Variants in PGBD5 observed in about 807,000 individuals in gnomAD.
The protein encoded by PGBD5 is piggyBac transposable element-derived protein 5.
Under a neutral mutation model 47.9 loss-of-function variants are expected in PGBD5, and 14 were observed. The ratio of observed to expected loss-of-function variants is 0.29; its 90% CI spans 0.19 to 0.46. PGBD5 has a LOEUF of 0.46. Among genes scored for constraint, PGBD5 ranks in the 20% least tolerant of loss-of-function variants. The probability of loss-of-function intolerance (pLI) is 1.00; values close to 1 mark genes in which losing one functional copy is unlikely to be tolerated. For synonymous variants in PGBD5, 316 were observed against 306.3 expected, an observed-to-expected ratio of 1.03 and a Z score of -0.33; for missense variants, 635 against 716.0, an observed-to-expected ratio of 0.89 and a Z score of 1.29.
In PGBD5 at chr1:230,393,198, G is replaced by A. The variant is rs1297419796; in HGVS notation, c.331+32400C>T. On this transcript the variant is annotated intron_variant, in intron 1 of 6. Transcript: ENST00000391860. ...GGGGAAGGGAGGGGGGGAGGAGGGA[G>A]GAGGCAGGGAAGCCAAGGGAAAGGA... Among the ~76,000 whole-genome samples, 11 of 145,752 alleles carry A rather than the reference G, an allele frequency of 7.5e-5. No individual in the cohort carries two copies. The East Asian group carries it at 2.3e-3, about 30-fold the overall frequency.
chr1:230,393,236 G>A (rs1656834646), intron 1 of PGBD5, among the ~76,000 whole-genome samples: 1 of 143,512 alleles, frequency 7.0e-6, no homozygotes, highest in African/African-American at 2.6e-5. Flanking sequence ...AGAGGAGGAG[G>A]AAGGAAGGGA....
At chr1:230,369,605 C>T (rs2632564) in intron 1 of PGBD5, among the ~76,000 whole-genome samples, 1 of 123,478 alleles carries the variant, frequency 8.1e-6, no homozygotes, top group Admixed American at 8.5e-5. Flanking sequence ...ATCAGGCCCT[C>T]TGTGCTTACT....
At chr1:230,393,191 G>C (rs557985752) in intron 1 of PGBD5, among the ~76,000 whole-genome samples, 1 of 145,194 alleles carries the variant, frequency 6.9e-6, no homozygotes, top group Non-Finnish European at 1.5e-5. Context: ...GAGGGGGGGA[G>C]GAGGGAGGAG....
At chr1:230,390,924 G>C (rs1262986643) in intron 1 of PGBD5, among the ~76,000 whole-genome samples, 1 of 152,112 alleles carries the variant, frequency 6.6e-6, no homozygotes, top group Non-Finnish European at 1.5e-5. Context: ...ATTTTTAGTA[G>C]AGACAGGGTT....
intron 1 of PGBD5, among the ~76,000 whole-genome samples, chr1:230,372,072 A>G (rs1667937570): frequency 6.6e-6 from 1 of 152,232 alleles, no homozygotes; most frequent in Admixed American, 6.5e-5. Flanking sequence ...TGCAAGTGAT[A>G]GCAAGCAGGT....
At chr1:230,361,089 C>A (rs557735242) in intron 1 of PGBD5, among the ~76,000 whole-genome samples, 1 of 152,180 alleles carries the variant, frequency 6.6e-6, no homozygotes, top group African/African-American at 2.4e-5. Flanking sequence ...GTCCCTTTTA[C>A]GTGGCTCTCC....
intron 1 of PGBD5, among the ~76,000 whole-genome samples, chr1:230,416,280 C>G (rs1312595225): frequency 2.0e-5 from 3 of 152,172 alleles, no homozygotes; most frequent in African/African-American, 7.2e-5. Context: ...CTTTGTGGAG[C>G]TGCCCCATTA....
At chr1:230,380,963 C>T (rs1388293937) in intron 1 of PGBD5, among the ~76,000 whole-genome samples, 1 of 152,190 alleles carries the variant, frequency 6.6e-6, no homozygotes, top group Non-Finnish European at 1.5e-5. Context: ...CTCTGGGAGC[C>T]CCGCTCAGGA....
chr1:230,327,216 A>ATT (rs752888686), intron 5 of PGBD5, among the ~76,000 whole-genome samples: 4 of 147,636 alleles, frequency 2.7e-5, no homozygotes, highest in African/African-American at 9.9e-5. Context: ...ATTTTTCTGT[A>ATT]TTTTTTTTTT....
At chr1:230,402,864 T>C (rs1442690113) in intron 1 of PGBD5, among the ~76,000 whole-genome samples, 1 of 152,252 alleles carries the variant, frequency 6.6e-6, no homozygotes. Flanking sequence ...AATGATATGG[T>C]AGCTTTGAGC....
chr1:230,424,273 G>T (rs1657721957), intron 1 of PGBD5, among the ~76,000 whole-genome samples: 1 of 152,170 alleles, frequency 6.6e-6, no homozygotes, highest in East Asian at 1.9e-4. Flanking sequence ...GGAAAATATA[G>T]GACAGTATAA....
intron 4 of PGBD5, among the ~76,000 whole-genome samples, chr1:230,334,388 C>T (rs565432211): frequency 3.9e-5 from 6 of 152,330 alleles, no homozygotes; most frequent in African/African-American, 1.4e-4. Context: ...GCTCAATCTA[C>T]ACCACCAGCC....
intron 1 of PGBD5, among the ~76,000 whole-genome samples, chr1:230,415,855 C>G (rs1427720671): frequency 6.6e-6 from 1 of 152,206 alleles, no homozygotes; most frequent in Non-Finnish European, 1.5e-5. Flanking sequence ...ATGTTCCACA[C>G]TCATTGCTCT....
At chr1:230,362,188 G>C (rs1571840593) in intron 1 of PGBD5, 2 of 1,290,152 alleles carry the variant, frequency 1.6e-6, no homozygotes, top group Non-Finnish European at 2.0e-6. Context: ...TCTGCTGCAC[G>C]AGAGGGTGGG....
chr1:230,423,592 C>G (rs903043650), intron 1 of PGBD5, among the ~76,000 whole-genome samples: 4 of 152,134 alleles, frequency 2.6e-5, no homozygotes, highest in Non-Finnish European at 4.4e-5. Flanking sequence ...AAATCATATT[C>G]CATTGTTTTG....
intron 2 of PGBD5, among the ~76,000 whole-genome samples, chr1:230,352,710 G>A (rs1239409791): frequency 6.6e-6 from 1 of 152,106 alleles, no homozygotes; most frequent in African/African-American, 2.4e-5. Context: ...CCTCACGCCT[G>A]GCTTCTTGCA....
intron 1 of PGBD5, among the ~76,000 whole-genome samples, chr1:230,407,789 A>G (rs1657329445): frequency 6.6e-6 from 1 of 152,222 alleles, no homozygotes; most frequent in African/African-American, 2.4e-5. Flanking sequence ...CGATTATGAG[A>G]GGAAACAACT....
At chr1:230,383,964 G>T (rs929596816) in intron 1 of PGBD5, among the ~76,000 whole-genome samples, 4 of 152,180 alleles carry the variant, frequency 2.6e-5, no homozygotes, top group African/African-American at 9.7e-5. Flanking sequence ...CCTCCCCTGT[G>T]ACTTCGGGGA....
chr1:230,414,305 C>T (rs962383292), intron 1 of PGBD5, among the ~76,000 whole-genome samples: 2 of 152,168 alleles, frequency 1.3e-5, no homozygotes, highest in African/African-American at 4.8e-5. Context: ...CCAAAGACAG[C>T]CGCGGATCTT....
Sources: gnomAD v4.1 joint callset for allele counts (sites outside exome capture counted in the v4.1 genomes callset) on GRCh38, gnomAD v4.1.1 for gene constraint, MANE v1.5 for transcripts, NCBI Gene and HGNC (gene_info 2026-07-23, HGNC 2026-07-21) for gene names.